The following ROR1 variants were observed in gnomAD, a reference collection of about 807,000 sequenced individuals.
ROR1 encodes inactive tyrosine-protein kinase transmembrane receptor ROR1.
Under a neutral mutation model 78.8 loss-of-function variants are expected in ROR1, and 19 were observed. The observed-to-expected ratio is 0.24, with a 90% CI of 0.17 to 0.35. The LOEUF is 0.35. ROR1 is among the 10% of genes least tolerant of loss of function. The probability of loss-of-function intolerance (pLI) is 1.00; values close to 1 mark genes in which losing one functional copy is unlikely to be tolerated. For missense variants in ROR1, 917 were observed against 1,177.8 expected (o/e 0.78, Z 3.24); for synonymous variants, 386 against 433.6 (o/e 0.89, Z 1.36).
rs1650433855 is a variant in ROR1, at chr1:64,178,006, C to T, written c.1965C>T (p.Pro655=). Residue 655 remains proline, a synonymous_variant, in exon 9 of 9, where the codon CCC becomes CCT. Coordinates refer to ENST00000371079, the MANE Select transcript of ROR1 (RefSeq NM_005012.4). This position sits in a 1 kb window ranked among gnomAD's most constrained non-coding sequence, Gnocchi z 4.3. ...GGGTCCAGAGTAAGTCCTTGCTGCC[C>T]ATTCGCTGGATGCCCCCTGAAGCCA... ...YYRVQSKSLL[P]IRWMPPEAIM... The T allele has an allele frequency of 3.1e-6, 5 of 1,614,070 alleles. No homozygotes were observed. Among genetic ancestry groups the T allele is most frequent in the African/African-American group, 1.3e-5 (1 of 74,918 alleles).
At chr1:64,022,128 G>A (rs1570071940) in intron 2 of ROR1, among the ~76,000 whole-genome samples, 1 of 152,334 alleles carries the variant, frequency 6.6e-6, no homozygotes, top group East Asian at 1.9e-4. Context: ...TATGCTGAGT[G>A]AAAGAAGCCA....
intron 4 of ROR1, among the ~76,000 whole-genome samples, chr1:64,092,333 G>A (rs1302913824): frequency 1.3e-5 from 2 of 152,270 alleles, no homozygotes; most frequent in African/African-American, 2.4e-5. Context: ...CACTGAGCTT[G>A]ACATCAGGAG....
intron 4 of ROR1, among the ~76,000 whole-genome samples, chr1:64,056,713 C>T (rs1646878391): frequency 6.6e-6 from 1 of 151,434 alleles, no homozygotes; most frequent in Admixed American, 6.6e-5. Context: ...TAGCCATCCT[C>T]GTGAGTGTGA....
rs373563542 is a variant in ROR1 at position 63,785,613 on chromosome 1, C to G, written c.91+11105C>G. ...TCTCAGCTCACTGCAACTTCTGCCT[C>G]CTGGGTTTTTTAAGTGATTCTGCTG... On this transcript the variant is annotated intron_variant, in intron 1 of 8. Transcript: ENST00000371079. Among the ~76,000 whole-genome samples, 5 of 152,028 alleles carry G rather than the reference C, an allele frequency of 3.3e-5. No homozygotes were observed. In the South Asian group the frequency reaches 1.0e-3, roughly 32 times the overall value.
At chr1:64,006,529 G>A (rs1338079539) in intron 1 of ROR1, among the ~76,000 whole-genome samples, 4 of 152,272 alleles carry the variant, frequency 2.6e-5, no homozygotes, top group East Asian at 1.9e-4. Context: ...CGAAATACCC[G>A]TTCCCCAAAC....
At chr1:63,952,814 T>A (rs991002968) in intron 1 of ROR1, among the ~76,000 whole-genome samples, 1 of 152,094 alleles carries the variant, frequency 6.6e-6, no homozygotes, top group African/African-American at 2.4e-5. Flanking sequence ...GGGTAGAGGA[T>A]CTGTCTTAGA....
At chr1:64,116,498 C>T (rs1273848576) in intron 4 of ROR1, among the ~76,000 whole-genome samples, 2 of 152,040 alleles carry the variant, frequency 1.3e-5, no homozygotes, top group African/African-American at 2.4e-5. Context: ...AGCTCTTTTA[C>T]GAAAGGAATA....
intron 1 of ROR1, among the ~76,000 whole-genome samples, chr1:63,786,538 C>G (rs1188744331): frequency 2.1e-5 from 3 of 145,708 alleles, no homozygotes; most frequent in Admixed American, 2.1e-4. Context: ...TCCCAGAGTG[C>G]TGGGATTACA....
intron 7 of ROR1, among the ~76,000 whole-genome samples, chr1:64,157,485 C>T (rs968767143): frequency 6.6e-6 from 1 of 152,144 alleles, no homozygotes; most frequent in Non-Finnish European, 1.5e-5. Context: ...GATTTAACCC[C>T]TCTCCAGGCT....
intron 1 of ROR1, among the ~76,000 whole-genome samples, chr1:63,837,925 G>A (rs1222467161): frequency 1.3e-5 from 2 of 152,176 alleles, no homozygotes; most frequent in East Asian, 3.9e-4. Context: ...CTTTCAGTCA[G>A]CGTTAGAACT....
intron 1 of ROR1, among the ~76,000 whole-genome samples, chr1:63,814,928 G>A (rs1644881198): frequency 6.6e-6 from 1 of 152,182 alleles, no homozygotes; most frequent in Non-Finnish European, 1.5e-5. Context: ...TTCTGGTGGA[G>A]TGTCTCTATT....
chr1:64,068,705 C>T (rs1283704943), intron 4 of ROR1, among the ~76,000 whole-genome samples: 1 of 152,100 alleles, frequency 6.6e-6, no homozygotes, highest in Non-Finnish European at 1.5e-5. Context: ...AGTTTTTTGA[C>T]CTAATGGCTA....
At chr1:64,031,668 A>G (rs1646660742) in intron 2 of ROR1, among the ~76,000 whole-genome samples, 1 of 152,206 alleles carries the variant, frequency 6.6e-6, no homozygotes, top group African/African-American at 2.4e-5. Flanking sequence ...ATTTGACTAT[A>G]TTGCTTTTTC....
intron 1 of ROR1, among the ~76,000 whole-genome samples, chr1:63,892,704 A>C (rs769599314): frequency 6.6e-6 from 1 of 152,138 alleles, no homozygotes; most frequent in Non-Finnish European, 1.5e-5. Context: ...AAGCTCTGCC[A>C]CCACTAATGA....
At chr1:63,879,317 G>T (rs190796799) in intron 1 of ROR1, among the ~76,000 whole-genome samples, 1 of 152,242 alleles carries the variant, frequency 6.6e-6, no homozygotes, top group Non-Finnish European at 1.5e-5. Context: ...TCCCATTATG[G>T]ATGATGTCTT....
chr1:63,929,313 G>C (rs530681705), intron 1 of ROR1, among the ~76,000 whole-genome samples: 1 of 152,270 alleles, frequency 6.6e-6, no homozygotes, highest in African/African-American at 2.4e-5. Context: ...AAATAGACAC[G>C]TATGTGTGAG....
At chr1:64,031,853 G>T (rs1271197239) in intron 2 of ROR1, among the ~76,000 whole-genome samples, 1 of 151,266 alleles carries the variant, frequency 6.6e-6, no homozygotes, top group African/African-American at 2.4e-5. Flanking sequence ...TTTTGTGTGT[G>T]TGTGTTTGTG....
intron 2 of ROR1, among the ~76,000 whole-genome samples, chr1:64,033,732 T>A (rs1437095963): frequency 6.6e-6 from 1 of 152,230 alleles, no homozygotes; most frequent in Non-Finnish European, 1.5e-5. Context: ...AACTCATTTA[T>A]CAAAATGTAC....
In ROR1 at chr1:64,179,016, C is replaced by T. The variant is rs1650476250; in HGVS notation, c.*161C>T. ...TGTGTCTTACCAAGCAGGACAGACACTCGGCCAGAAAAAAAAAAAAAAAAA... is the reference window on the plus strand; with the variant it reads ...TGTGTCTTACCAAGCAGGACAGACATTCGGCCAGAAAAAAAAAAAAAAAAA... On this transcript the variant is annotated 3_prime_UTR_variant, in exon 9 of 9. Coordinates refer to ENST00000371079, the MANE Select transcript of ROR1 (RefSeq NM_005012.4). 3.9e-6 allele frequency: 1 copy of T among 254,222 alleles called. No homozygotes were observed. Among genetic ancestry groups the T allele is most frequent in the Non-Finnish European group, 6.8e-6 (1 of 146,202 alleles). The allele number at this position is 254,222 out of a possible 1,614,324, so 15.7% of individuals were successfully genotyped here. A position where few individuals can be genotyped will look rare whatever the true frequency, so the allele number is the denominator to read the frequency against.
Sources: gnomAD v4.1 joint callset for allele counts (sites outside exome capture counted in the v4.1 genomes callset) on GRCh38, gnomAD v4.1.1 for gene constraint, Gnocchi (gnomAD v3.1) non-coding constraint, MANE v1.5 for transcripts, NCBI Gene and HGNC (gene_info 2026-07-23, HGNC 2026-07-21) for gene names.